MAP3K5: variants seen among roughly 807,000 people sequenced by gnomAD.
The protein encoded by MAP3K5 is mitogen-activated protein kinase kinase kinase 5.
Under a neutral mutation model 158.7 loss-of-function variants are expected in MAP3K5, and 56 were observed. The ratio of observed to expected loss-of-function variants is 0.35; its 90% confidence interval spans 0.28 to 0.44. The LOEUF (loss-of-function observed/expected upper bound fraction) is 0.44, where lower values mean the gene tolerates loss of function less well. Ranked by LOEUF, MAP3K5 falls within the 20% of genes least tolerant of loss-of-function variation. MAP3K5 has a pLI of 1.00. For missense variants in MAP3K5, 1,294 were observed against 1,674.8 expected, an observed-to-expected ratio of 0.77 and a Z score of 3.97; for synonymous variants, 579 against 601.7, an observed-to-expected ratio of 0.96 and a Z score of 0.55.
At chr6:136,671,611 TTTTG>T (rs923284283) in intron 7 of MAP3K5, among the ~76,000 whole-genome samples, 3 of 152,100 alleles carry the variant, frequency 2.0e-5, no homozygotes, top group South Asian at 2.1e-4. Flanking sequence ...ACTATAGAAT[TTTTG>T]TTTGTTTGTT....
intron 1 of MAP3K5, among the ~76,000 whole-genome samples, chr6:136,757,586 A>ATTTTTTTTTTTT (rs897486770): frequency 3.9e-5 from 5 of 127,812 alleles, no homozygotes; most frequent in East Asian, 2.3e-4. Flanking sequence ...TTTATTTTTT[A>ATTTTTTTTTTTT]TTTTTTTTTT....
intron 25 of MAP3K5, among the ~76,000 whole-genome samples, chr6:136,577,312 ACATAATT>A (rs1465886597): frequency 6.6e-6 from 1 of 152,250 alleles, no homozygotes; most frequent in East Asian, 1.9e-4. Context: ...CATTTTGTCC[ACATAATT>A]CATCATTTGT....
chr6:136,623,189 T>C (rs1776886531), intron 14 of MAP3K5, among the ~76,000 whole-genome samples: 1 of 152,142 alleles, frequency 6.6e-6, no homozygotes, highest in Non-Finnish European at 1.5e-5. Flanking sequence ...CTGTTACAAA[T>C]ACAGTGGGGA....
In MAP3K5 at chr6:136,601,868, C is replaced by T. The variant is rs141775434; in HGVS notation, c.2791G>A (p.Asp931Asn). ...PDPDKRACAN[D>N]LLVDEFLKVS... Reference sequence around the variant, plus strand: ...TTTAAAAACTCATCAACAAGCAAGTCGTTAGCACAGGCTCTCTTGTCAGGA... The same window carrying T: ...TTTAAAAACTCATCAACAAGCAAGTTGTTAGCACAGGCTCTCTTGTCAGGA... Residue 931 changes from aspartate (D) to asparagine (N), a missense_variant, in exon 20 of 30, where the codon GAC becomes AAC. Physicochemically the swap from Asp to Asn is conservative, Grantham distance 23. Transcript: ENST00000359015. 7 of 1,614,174 alleles carry T rather than the reference C, an allele frequency of 4.3e-6. No homozygotes were observed. In the South Asian group the frequency reaches 4.4e-5, roughly 10 times the overall value.
intron 7 of MAP3K5, among the ~76,000 whole-genome samples, chr6:136,674,742 C>G (rs892772712): frequency 7.9e-5 from 12 of 151,790 alleles, no homozygotes; most frequent in African/African-American, 2.7e-4. Context: ...AGTTGAGTAA[C>G]CCTAATAAAA....
chr6:136,734,463 T>C, intron 1 of MAP3K5, among the ~76,000 whole-genome samples: 1 of 147,702 alleles, frequency 6.8e-6, no homozygotes. Flanking sequence ...GATAGGAGGC[T>C]AGTTTGTTGG....
At chr6:136,603,019 T>A (rs1562538515) in intron 19 of MAP3K5, among the ~76,000 whole-genome samples, 1 of 152,210 alleles carries the variant, frequency 6.6e-6, no homozygotes, top group Non-Finnish European at 1.5e-5. Flanking sequence ...AAGGAAATCC[T>A]TTTGTTCTTA....
intron 2 of MAP3K5, among the ~76,000 whole-genome samples, chr6:136,709,596 T>C (rs1467990623): frequency 6.6e-6 from 1 of 152,164 alleles, no homozygotes; most frequent in Admixed American, 6.5e-5. Context: ...AGCAGAAGGC[T>C]CTATAGAAAA....
intron 1 of MAP3K5, among the ~76,000 whole-genome samples, chr6:136,754,362 G>C (rs376219317): frequency 4.6e-5 from 7 of 152,150 alleles, no homozygotes; most frequent in East Asian, 3.9e-4. Flanking sequence ...GGAACTGCTT[G>C]ACCCCAGGAA....
intron 1 of MAP3K5, among the ~76,000 whole-genome samples, chr6:136,733,175 T>C (rs546170902): frequency 6.6e-6 from 1 of 152,302 alleles, no homozygotes; most frequent in African/African-American, 2.4e-5. Context: ...ATTCTATTTA[T>C]TTTTTGTAGA....
chr6:136,783,861 T>C (rs997016976), intron 1 of MAP3K5, among the ~76,000 whole-genome samples: 14 of 151,434 alleles, frequency 9.2e-5, no homozygotes, highest in Admixed American at 2.0e-4. Context: ...GGTTGGTACC[T>C]CATGCTGGAG....
At chr6:136,714,072 G>A (rs1038992902) in intron 2 of MAP3K5, among the ~76,000 whole-genome samples, 4 of 152,110 alleles carry the variant, frequency 2.6e-5, no homozygotes, top group African/African-American at 2.4e-5. Context: ...TTAATTCCAT[G>A]CACAACTCAA....
chr6:136,785,834 G>A (rs981754074), intron 1 of MAP3K5, among the ~76,000 whole-genome samples: 5 of 152,108 alleles, frequency 3.3e-5, no homozygotes, highest in Admixed American at 3.3e-4. Flanking sequence ...AAAAGTCCCG[G>A]TTTTAGGTTT....
At chr6:136,558,932 C>T (rs1000612622) in intron 28 of MAP3K5, 56 bp from the exon 29 acceptor site, 2 of 865,344 alleles carry the variant, frequency 2.3e-6, no homozygotes, top group African/African-American at 1.7e-5. Context: ...TAATAAAGCA[C>T]AAACTCTATT....
chr6:136,764,328 C>G (rs904505169), intron 1 of MAP3K5, among the ~76,000 whole-genome samples: 2 of 152,170 alleles, frequency 1.3e-5, no homozygotes, highest in Non-Finnish European at 2.9e-5. Flanking sequence ...AGATCAAAAC[C>G]TAACAGACTG....
chr6:136,754,592 A>AAAG (rs66868330), intron 1 of MAP3K5, among the ~76,000 whole-genome samples: 1 of 38,682 alleles, frequency 2.6e-5, no homozygotes. Context: ...CAAAAAAAAA[A>AAAG]AAGAAAGAAA....
At chr6:136,792,782 C>G (rs1199675408), upstream of MAP3K5, among the ~76,000 whole-genome samples, 1 of 152,218 alleles carries the variant, frequency 6.6e-6, no homozygotes, top group African/African-American at 2.4e-5. This position sits in a 1 kb window ranked among gnomAD's most constrained non-coding sequence, Gnocchi z 5.7. Context: ...GTTTCTCTTT[C>G]GATCGCCTCC....
intron 19 of MAP3K5, 146 bp downstream of exon 19, chr6:136,605,063 G>A (rs944424007): frequency 6.1e-5 from 45 of 735,980 alleles, no homozygotes; most frequent in African/African-American, 3.0e-4. Flanking sequence ...GGTTCTAACC[G>A]AGAGAGAATC....
At chr6:136,682,073 C>T (rs144404511) in intron 7 of MAP3K5, among the ~76,000 whole-genome samples, 1 of 152,330 alleles carries the variant, frequency 6.6e-6, no homozygotes, top group African/African-American at 2.4e-5. Flanking sequence ...TATGGACACA[C>T]TGTGTGTTTT....
Sources: allele counts gnomAD v4.1 joint callset (sites outside exome capture counted in the v4.1 genomes callset), GRCh38; gene constraint gnomAD v4.1.1; non-coding constraint Gnocchi (gnomAD v3.1); transcripts MANE v1.5; gene names NCBI Gene and HGNC (gene_info 2026-07-23, HGNC 2026-07-21).